The following ZNF730 variants were observed in gnomAD, a reference collection of about 807,000 sequenced individuals.
The protein encoded by ZNF730 is putative zinc finger protein 730.
Under a neutral mutation model 12.6 loss-of-function variants are expected in ZNF730, and 12 were observed. That is an observed-to-expected ratio of 0.95 (90% CI 0.61 to 1.54). ZNF730 has a LOEUF of 1.54. ZNF730 is among the 40% of genes most tolerant of loss of function. The probability of loss-of-function intolerance (pLI) is 0.00; values close to 1 mark genes in which losing one functional copy is unlikely to be tolerated. For synonymous variants in ZNF730, 194 were observed against 195.8 expected (o/e 0.99, Z 0.08); for missense variants, 643 against 583.5 (o/e 1.10, Z -1.05).
Position 23,146,273 on chromosome 19 carries a change from A to G in ZNF730, c.1229A>G (p.His410Arg). ...ECGKAFSRISHLTTHKRIHTG... is the reference protein window; with the variant it reads ...ECGKAFSRISRLTTHKRIHTG... ...GGCAAAGCCTTTAGCCGTATCTCAC[A>G]CCTTACTACACATAAGAGAATTCAT... is the stretch of plus-strand genomic sequence containing the variant. Residue 410 changes from histidine to arginine, a missense_variant, in exon 4 of 4, where the codon CAC (histidine) becomes CGC (arginine). Coordinates refer to ENST00000597761, the MANE Select transcript of ZNF730 (RefSeq NM_001277403.2). The G allele has an allele frequency of 1.2e-6, 2 of 1,613,282 alleles. No individual in the cohort carries two copies. Among genetic ancestry groups the G allele is most frequent in the Non-Finnish European group, 1.7e-6 (2 of 1,179,670 alleles).
chr19:23,097,047 C>G (rs113492230), intron 1 of ZNF730, among the ~76,000 whole-genome samples: 2 of 152,140 alleles, frequency 1.3e-5, no homozygotes, highest in African/African-American at 4.8e-5. Flanking sequence ...TGTGGCTCCT[C>G]CCTGGGCCCA....
chr19:23,135,081 A>G (rs1970807861), intron 2 of ZNF730, among the ~76,000 whole-genome samples: 1 of 138,482 alleles, frequency 7.2e-6, no homozygotes, highest in South Asian at 2.5e-4. Flanking sequence ...AGGGACACAA[A>G]CACTGTGGAA....
chr19:23,132,182 C>CT (rs1970751910), intron 1 of ZNF730, among the ~76,000 whole-genome samples: 1 of 151,676 alleles, frequency 6.6e-6, no homozygotes, highest in Admixed American at 6.6e-5. Context: ...GTCCTTCTAC[C>CT]TATGAGTGTG....
intron 1 of ZNF730, among the ~76,000 whole-genome samples, chr19:23,080,289 C>T (rs1006415508): frequency 1.4e-4 from 21 of 152,200 alleles, no homozygotes; most frequent in Admixed American, 1.0e-3. Context: ...CTGCAATGTA[C>T]ATGAATGTAC....
upstream of ZNF730, among the ~76,000 whole-genome samples, chr19:23,114,300 CTTTTCTTT>C (rs1454805764): frequency 1.6e-4 from 19 of 119,526 alleles, no homozygotes; most frequent in African/African-American, 5.9e-4. Context: ...TTTTCTTTTT[CTTTTCTTT>C]TTTTTTTTTT....
intron 1 of ZNF730, among the ~76,000 whole-genome samples, chr19:23,124,575 A>G (rs1457647957): frequency 1.3e-5 from 2 of 152,190 alleles, no homozygotes; most frequent in Admixed American, 6.5e-5. Flanking sequence ...TTACCTAGCC[A>G]TCTTTGAAAC....
intron 2 of ZNF730, among the ~76,000 whole-genome samples, chr19:23,134,414 C>A (rs1388279938): frequency 6.8e-6 from 1 of 147,074 alleles, no homozygotes; most frequent in South Asian, 2.1e-4. Context: ...CCCGGCCAGC[C>A]GCCCAGTCCG....
intron 1 of ZNF730, among the ~76,000 whole-genome samples, chr19:23,077,734 G>A (rs1290959266): frequency 6.6e-6 from 1 of 152,072 alleles, no homozygotes; most frequent in Admixed American, 6.6e-5. Flanking sequence ...GAGGCACCAC[G>A]CCCAGTCTGT....
chr19:23,131,272 C>G (rs1970739646), intron 1 of ZNF730, among the ~76,000 whole-genome samples: 1 of 151,926 alleles, frequency 6.6e-6, no homozygotes, highest in Non-Finnish European at 1.5e-5. Context: ...GACAGAGAAA[C>G]AGAAAAAAAT....
At chr19:23,102,429 A>C (rs1483759783) in intron 1 of ZNF730, among the ~76,000 whole-genome samples, 3 of 151,834 alleles carry the variant, frequency 2.0e-5, no homozygotes, top group Non-Finnish European at 4.4e-5. Context: ...TTCACAGGTA[A>C]GATTGTAAAA....
At chr19:23,080,914 C>T (rs1371233328) in intron 1 of ZNF730, among the ~76,000 whole-genome samples, 5 of 145,094 alleles carry the variant, frequency 3.4e-5, no homozygotes, top group Non-Finnish European at 6.0e-5. Context: ...GGCACAATCT[C>T]GGTTTACTGC....
upstream of ZNF730, among the ~76,000 whole-genome samples, chr19:23,113,432 T>C (rs371323321): frequency 1.3e-5 from 2 of 152,204 alleles, no homozygotes; most frequent in African/African-American, 4.8e-5. Flanking sequence ...CAAAGACATA[T>C]GTAACTATGA....
intron 1 of ZNF730, among the ~76,000 whole-genome samples, chr19:23,100,575 A>T (rs1346497743): frequency 6.6e-6 from 1 of 150,998 alleles, no homozygotes. Flanking sequence ...TGCAGTTCAC[A>T]ATTGGAATTG....
At chr19:23,093,690 T>G (rs1431110618) in intron 1 of ZNF730, among the ~76,000 whole-genome samples, 1 of 152,200 alleles carries the variant, frequency 6.6e-6, no homozygotes, top group African/African-American at 2.4e-5. Context: ...GTAGCCGTCT[T>G]GGTCCCAGCC....
At chr19:23,078,176 G>A (rs542900293) in intron 1 of ZNF730, among the ~76,000 whole-genome samples, 39 of 152,310 alleles carry the variant, frequency 2.6e-4, no homozygotes, top group African/African-American at 9.4e-4. Context: ...CTGTCCTGAG[G>A]AGGATTAGTA....
chr19:23,101,024 T>C (rs1396511874), intron 1 of ZNF730, among the ~76,000 whole-genome samples: 2 of 152,088 alleles, frequency 1.3e-5, no homozygotes, highest in Admixed American at 1.3e-4. Context: ...AATAGTTTAG[T>C]TTAGTTAGGA....
chr19:23,081,414 G>A (rs545440150), intron 1 of ZNF730, among the ~76,000 whole-genome samples: 103 of 151,916 alleles, frequency 6.8e-4, no homozygotes, highest in African/African-American at 2.3e-3. Context: ...CCGCCTCCCG[G>A]GTTCAAGCGA....
chr19:23,139,414 T>C (rs1355970029), intron 3 of ZNF730, among the ~76,000 whole-genome samples: 1 of 152,192 alleles, frequency 6.6e-6, no homozygotes, highest in Non-Finnish European at 1.5e-5. Flanking sequence ...CTGCATTTTA[T>C]CTGAAATTTT....
chr19:23,110,848 T>C (rs903575070), intron 1 of ZNF730, among the ~76,000 whole-genome samples: 4 of 152,204 alleles, frequency 2.6e-5, no homozygotes, highest in Non-Finnish European at 4.4e-5. Flanking sequence ...TAGAAAAATA[T>C]TCTGCCACAT....
Sources: allele counts gnomAD v4.1 joint callset (sites outside exome capture counted in the v4.1 genomes callset), GRCh38; gene constraint gnomAD v4.1.1; transcripts MANE v1.5; gene names NCBI Gene and HGNC (gene_info 2026-07-23, HGNC 2026-07-21).